PCDH15: variants seen among roughly 807,000 people sequenced by gnomAD.
PCDH15 encodes the protein protocadherin related 15, also known as protocadherin-15.
A neutral mutation model predicts 178.5 loss-of-function variants in PCDH15; 129 were observed. The ratio of observed to expected loss-of-function variants is 0.72; its 90% CI spans 0.63 to 0.84. The LOEUF (loss-of-function observed/expected upper bound fraction) is 0.84. PCDH15 is among the 40% of genes least tolerant of loss of function. PCDH15 has a pLI of 0.00. For missense variants in PCDH15, 2,230 were observed against 2,099.9 expected, an observed-to-expected ratio of 1.06 and a Z score of -1.21; for synonymous variants, 800 against 732.0, an observed-to-expected ratio of 1.09 and a Z score of -1.50.
chr10:53,974,736 G>T (rs1336344616), intron 21 of PCDH15, among the ~76,000 whole-genome samples: 1 of 151,862 alleles, frequency 6.6e-6, no homozygotes, highest in African/African-American at 2.4e-5. Context: ...ACTTTCAAGT[G>T]ATGGCGACCA....
intron 14 of PCDH15, among the ~76,000 whole-genome samples, chr10:54,146,967 A>ATATATATATAGTGTATATATATATAATG (rs2044022761): frequency 7.1e-6 from 1 of 140,910 alleles, no homozygotes; most frequent in South Asian, 2.3e-4. Context: ...TATATAATGT[A>ATATATATATAGTGTATATATATATAATG]TATATATAGT....
chr10:54,965,276 T>G (rs1234699709), intron 2 of PCDH15, among the ~76,000 whole-genome samples: 1 of 152,096 alleles, frequency 6.6e-6, no homozygotes, highest in Non-Finnish European at 1.5e-5. Flanking sequence ...GTAGCTCCCA[T>G]TATCCACAAG....
chr10:55,156,790 C>G (rs1838902704), intron 2 of PCDH15, among the ~76,000 whole-genome samples: 2 of 151,992 alleles, frequency 1.3e-5, no homozygotes, highest in South Asian at 2.1e-4. Context: ...TCTATTGGTT[C>G]AGAAATGGAT....
chr10:54,557,714 GA>G (rs1187453676), intron 2 of PCDH15, among the ~76,000 whole-genome samples: 35 of 152,028 alleles, frequency 2.3e-4, no homozygotes, highest in African/African-American at 8.0e-4. Flanking sequence ...CATTTTACAG[GA>G]GGAAAGTTTA....
At chr10:55,514,376 G>A (rs1311860176) in intron 2 of PCDH15, among the ~76,000 whole-genome samples, 1 of 152,054 alleles carries the variant, frequency 6.6e-6, no homozygotes, top group African/African-American at 2.4e-5. Context: ...TAGAGGTCAA[G>A]AAAAAACTTC....
At chr10:55,079,895 TG>T (rs1014289821) in intron 2 of PCDH15, among the ~76,000 whole-genome samples, 1 of 152,052 alleles carries the variant, frequency 6.6e-6, no homozygotes, top group African/African-American at 2.4e-5. Flanking sequence ...GGGGAGGGAC[TG>T]GTAAAGATAA....
At chr10:54,721,677 C>A (rs1941637108) in intron 1 of PCDH15, among the ~76,000 whole-genome samples, 1 of 151,744 alleles carries the variant, frequency 6.6e-6, no homozygotes, top group South Asian at 2.1e-4. Context: ...TAGGATAAAA[C>A]AGAAATCCTA....
intron 1 of PCDH15, among the ~76,000 whole-genome samples, chr10:55,238,140 A>G (rs1394583686): frequency 7.4e-6 from 1 of 134,236 alleles, no homozygotes; most frequent in South Asian, 2.3e-4. Flanking sequence ...ATGCATTCAT[A>G]TTTTCTTTTT....
intron 2 of PCDH15, among the ~76,000 whole-genome samples, chr10:55,379,941 G>C (rs1452497855): frequency 6.6e-6 from 1 of 151,980 alleles, no homozygotes; most frequent in African/African-American, 2.4e-5. Flanking sequence ...AGAAAATATA[G>C]TAATACTAAC....
chr10:54,976,433 G>A (rs1839073165), intron 2 of PCDH15, among the ~76,000 whole-genome samples: 2 of 152,086 alleles, frequency 1.3e-5, no homozygotes, highest in South Asian at 4.1e-4. Context: ...AGATGTCAGG[G>A]TTTTTCAAGC....
At chr10:54,383,520 G>C (rs1949498427) in intron 3 of PCDH15, among the ~76,000 whole-genome samples, 3 of 151,822 alleles carry the variant, frequency 2.0e-5, no homozygotes, top group Admixed American at 2.0e-4. Context: ...GGTGTAAATG[G>C]GAAAGGTTTA....
At chr10:54,292,168 T>A (rs1461438274) in intron 8 of PCDH15, among the ~76,000 whole-genome samples, 2 of 152,178 alleles carry the variant, frequency 1.3e-5, no homozygotes, top group African/African-American at 4.8e-5. Context: ...TGGTTCAACA[T>A]ACACAAATAA....
At chr10:53,826,672 G>A (rs563547233) in intron 32 of PCDH15, among the ~76,000 whole-genome samples, 207 of 152,150 alleles carry the variant, frequency 1.4e-3, no homozygotes, top group Non-Finnish European at 2.3e-3. Flanking sequence ...CATTATACAA[G>A]CAACTGTGAG....
chr10:55,376,040 A>G (rs1277394386), intron 2 of PCDH15, among the ~76,000 whole-genome samples: 2 of 152,020 alleles, frequency 1.3e-5, no homozygotes, highest in Non-Finnish European at 1.5e-5. Flanking sequence ...CATAACTTTT[A>G]TAAGTGCTTA....
At chr10:54,013,261 C>A (rs2092644914) in intron 20 of PCDH15, among the ~76,000 whole-genome samples, 1 of 152,172 alleles carries the variant, frequency 6.6e-6, no homozygotes, top group Non-Finnish European at 1.5e-5. Flanking sequence ...ATTCATAAAG[C>A]AAGTTCTTAC....
chr10:55,340,764 A>G (rs1844533382), intron 2 of PCDH15, among the ~76,000 whole-genome samples: 1 of 152,032 alleles, frequency 6.6e-6, no homozygotes, highest in Non-Finnish European at 1.5e-5. Flanking sequence ...AATCTATGAG[A>G]TTTTGTAATA....
At chr10:54,169,352 A>G (rs907564678) in intron 13 of PCDH15, among the ~76,000 whole-genome samples, 3 of 105,326 alleles carry the variant, frequency 2.8e-5, no homozygotes, top group Non-Finnish European at 4.3e-5. Flanking sequence ...ACTCCACATT[A>G]CCTTCTTTTC....
rs1446660770 is a variant in PCDH15, at chr10:54,734,370, GC to G, written c.-29+66554del. On this transcript the variant is annotated intron_variant, in intron 1 of 37. Coordinates refer to ENST00000644397, the MANE Select transcript of PCDH15 (RefSeq NM_001384140.1). ...ACCACATTATAATATTTTTTTAAAG[GC>G]TAAGATTACAAAGAAAACAAAACCT... Among the ~76,000 whole-genome samples, 4 of 151,738 alleles carry G rather than the reference GC, an allele frequency of 2.6e-5. No homozygotes were observed. The Admixed American group carries it at 2.6e-4, about 10-fold the overall frequency.
rs551839703 is a variant in PCDH15, at chr10:54,229,404, G to A, written c.985+7419C>T. 3.9e-5 allele frequency among the ~76,000 whole-genome samples: 6 copies of A among 152,186 alleles called. No homozygotes were observed. In the East Asian group the frequency reaches 1.2e-3, roughly 29 times the overall value. On this transcript the variant is annotated intron_variant, in intron 9 of 37. Coordinates refer to ENST00000644397, the MANE Select transcript of PCDH15 (RefSeq NM_001384140.1). ...CTCAAAAATATTTTTTAATTCATGG[G>A]ATGAAGGATCATAAAAGTTATGTAT...
Sources: allele counts gnomAD v4.1 joint callset (sites outside exome capture counted in the v4.1 genomes callset), GRCh38; gene constraint gnomAD v4.1.1; transcripts MANE v1.5; gene names NCBI Gene and HGNC (gene_info 2026-07-23, HGNC 2026-07-21).